Variants in GRIK2 observed in about 807,000 individuals in gnomAD.
The protein encoded by GRIK2 is glutamate receptor ionotropic, kainate 2.
In GRIK2, 32 loss-of-function variants were observed where a neutral mutation model predicts 100.3. The ratio of observed to expected loss-of-function variants is 0.32; its 90% CI spans 0.24 to 0.43. The LOEUF is 0.43. Among genes scored for constraint, GRIK2 ranks in the 20% least tolerant of loss-of-function variants. The probability of loss-of-function intolerance (pLI) is 1.00; values close to 1 mark genes in which losing one functional copy is unlikely to be tolerated. For missense variants in GRIK2, 843 were observed against 1,114.9 expected, an observed-to-expected ratio of 0.76 and a Z score of 3.47; for synonymous variants, 417 against 389.4, an observed-to-expected ratio of 1.07 and a Z score of -0.83.
At chr6:101,462,698 G>T (rs1316151142) in intron 2 of GRIK2, among the ~76,000 whole-genome samples, 1 of 152,174 alleles carries the variant, frequency 6.6e-6, no homozygotes, top group Non-Finnish European at 1.5e-5. Flanking sequence ...CAAGTAAACT[G>T]CGAATGAAGA....
chr6:101,595,955 ATTT>A (rs61558249), intron 2 of GRIK2, among the ~76,000 whole-genome samples: 40,179 of 141,898 alleles, frequency 0.28, 5,666 homozygotes, highest in African/African-American at 0.37. Flanking sequence ...ATTCATTAAA[ATTT>A]TTTTTTTTTT....
chr6:101,589,399 T>C (rs1273756564), intron 2 of GRIK2, among the ~76,000 whole-genome samples: 2 of 152,116 alleles, frequency 1.3e-5, no homozygotes, highest in Non-Finnish European at 2.9e-5. Flanking sequence ...CTTGAACTTT[T>C]TCCACCTATC....
chr6:101,705,266 C>T (rs1773186480), intron 7 of GRIK2, among the ~76,000 whole-genome samples: 1 of 151,278 alleles, frequency 6.6e-6, no homozygotes, highest in Non-Finnish European at 1.5e-5. Context: ...AGTAATGCAC[C>T]TTAATTCAGC....
intron 10 of GRIK2, among the ~76,000 whole-genome samples, chr6:101,837,166 A>G (rs2128431925): frequency 6.6e-6 from 1 of 152,224 alleles, no homozygotes; most frequent in East Asian, 1.9e-4. Flanking sequence ...TAAACAATAG[A>G]TAGATTCTGT....
intron 2 of GRIK2, among the ~76,000 whole-genome samples, chr6:101,559,864 A>G (rs1014451746): frequency 2.6e-5 from 4 of 152,148 alleles, no homozygotes; most frequent in African/African-American, 9.7e-5. Context: ...CAGTAGATAG[A>G]TAAATACAAA....
intron 16 of GRIK2, among the ~76,000 whole-genome samples, chr6:102,060,203 A>G (rs137930621): frequency 1.3e-5 from 2 of 150,910 alleles, no homozygotes; most frequent in East Asian, 3.9e-4. Context: ...TTTACCTAAG[A>G]CAATCTCTAA....
At chr6:101,441,667 A>T (rs1184378310) in intron 2 of GRIK2, among the ~76,000 whole-genome samples, 1 of 151,944 alleles carries the variant, frequency 6.6e-6, no homozygotes, top group East Asian at 1.9e-4. Context: ...TTCCAGGGGT[A>T]TGTGTGCAGG....
At chr6:101,607,398 G>T (rs1779485456) in intron 2 of GRIK2, among the ~76,000 whole-genome samples, 1 of 152,018 alleles carries the variant, frequency 6.6e-6, no homozygotes, top group Admixed American at 6.6e-5. Context: ...AATGGTGAAT[G>T]AGAGTAGATT....
chr6:101,667,398 A>T (rs1190077665), intron 4 of GRIK2, among the ~76,000 whole-genome samples: 2 of 152,216 alleles, frequency 1.3e-5, no homozygotes, highest in Non-Finnish European at 2.9e-5. Context: ...ACAGAAGCAA[A>T]GGAAGTATGT....
intron 10 of GRIK2, among the ~76,000 whole-genome samples, chr6:101,821,559 T>C (rs1781949077): frequency 6.6e-6 from 1 of 152,128 alleles, no homozygotes; most frequent in South Asian, 2.1e-4. Flanking sequence ...AAACAGGTTA[T>C]TTATATTTTA....
intron 2 of GRIK2, among the ~76,000 whole-genome samples, chr6:101,541,424 ACACACT>A (rs539106009): frequency 0.045 from 2,989 of 67,050 alleles, 92 homozygotes; most frequent in African/African-American, 0.11. Flanking sequence ...ACACATACAC[ACACACT>A]ACACCCTTAT....
intron 7 of GRIK2, among the ~76,000 whole-genome samples, chr6:101,739,506 C>A (rs958744862): frequency 2.6e-5 from 4 of 152,130 alleles, no homozygotes; most frequent in African/African-American, 9.6e-5. Context: ...GCTCAAGGAC[C>A]CTGGGCAAAG....
chr6:101,700,318 G>A (rs1021714621), intron 7 of GRIK2, among the ~76,000 whole-genome samples: 3 of 150,978 alleles, frequency 2.0e-5, no homozygotes, highest in Non-Finnish European at 4.4e-5. Context: ...TTGACAGTTT[G>A]ATGTTATTGG....
At chr6:101,461,177 C>A (rs1771289416) in intron 2 of GRIK2, among the ~76,000 whole-genome samples, 1 of 152,152 alleles carries the variant, frequency 6.6e-6, no homozygotes, top group Non-Finnish European at 1.5e-5. Context: ...TGTTAGTTTT[C>A]TTTTGCTGAT....
intron 14 of GRIK2, among the ~76,000 whole-genome samples, chr6:101,997,426 TTA>T (rs1794708845): frequency 6.6e-6 from 1 of 152,066 alleles, no homozygotes; most frequent in Non-Finnish European, 1.5e-5. Flanking sequence ...TTTGGTATTT[TTA>T]AATTTTAAAT....
intron 12 of GRIK2, among the ~76,000 whole-genome samples, chr6:101,903,006 T>C (rs559081591): frequency 2.1e-4 from 32 of 151,952 alleles, no homozygotes; most frequent in Admixed American, 1.9e-3. Flanking sequence ...ACCTGCTACA[T>C]CATTCTTAGA....
intron 2 of GRIK2, among the ~76,000 whole-genome samples, chr6:101,600,329 A>G (rs1779150744): frequency 6.6e-6 from 1 of 151,862 alleles, no homozygotes; most frequent in Non-Finnish European, 1.5e-5. Context: ...GAAGTCAGAT[A>G]ATGTAATGCT....
At chr6:102,066,571 G>A (rs1772027081) in intron 16 of GRIK2, among the ~76,000 whole-genome samples, 1 of 151,478 alleles carries the variant, frequency 6.6e-6, no homozygotes, top group Non-Finnish European at 1.5e-5. Flanking sequence ...ATAAAGTTGG[G>A]ATGATGTGAA....
intron 7 of GRIK2, among the ~76,000 whole-genome samples, chr6:101,761,154 T>G (rs2128391340): frequency 6.6e-6 from 1 of 152,212 alleles, no homozygotes; most frequent in Middle Eastern, 3.4e-3. Flanking sequence ...GGATCACACA[T>G]TAGTCTTTTC....
Sources: gnomAD v4.1 joint callset for allele counts (sites outside exome capture counted in the v4.1 genomes callset) on GRCh38, gnomAD v4.1.1 for gene constraint, MANE v1.5 for transcripts, NCBI Gene and HGNC (gene_info 2026-07-23, HGNC 2026-07-21) for gene names.